WWOX: variants seen among roughly 807,000 people sequenced by gnomAD.
The protein encoded by WWOX is WW domain containing oxidoreductase, also known as WW domain-containing oxidoreductase.
A neutral mutation model predicts 46.2 loss-of-function variants in WWOX; 69 were observed. That is an observed-to-expected ratio of 1.49 (90% CI 1.23 to 1.82). The LOEUF is 1.82. Ranked by LOEUF, WWOX falls within the 40% of genes most tolerant of loss-of-function variation. The probability of loss-of-function intolerance (pLI) is 0.00; values close to 1 mark genes in which losing one functional copy is unlikely to be tolerated. For missense variants in WWOX, 919 were observed against 542.6 expected (o/e 1.69, Z -6.89); for synonymous variants, 359 against 202.6 (o/e 1.77, Z -6.56).
intron 8 of WWOX, among the ~76,000 whole-genome samples, chr16:78,783,064 A>G (rs2050370289): frequency 6.6e-6 from 1 of 152,240 alleles, no homozygotes; most frequent in Non-Finnish European, 1.5e-5. Context: ...CAATATGGAA[A>G]GCATCAGCAA....
intron 8 of WWOX, among the ~76,000 whole-genome samples, chr16:79,014,682 C>T (rs941518729): frequency 2.6e-5 from 4 of 152,082 alleles, no homozygotes; most frequent in East Asian, 1.9e-4. Flanking sequence ...ACATTTCGGC[C>T]CTGATTTCAG....
chr16:78,885,469 C>T (rs1278546754), intron 8 of WWOX, among the ~76,000 whole-genome samples: 1 of 152,078 alleles, frequency 6.6e-6, no homozygotes, highest in Non-Finnish European at 1.5e-5. Flanking sequence ...GGCTCTTGAA[C>T]CAAAATTATG....
rs551961675 is a variant in WWOX at position 78,099,962 on chromosome 16, C to G, written c.107+77C>G. The G allele has an allele frequency of 1.8e-5, 28 of 1,528,428 alleles. No individual in the cohort carries two copies. In the Middle Eastern group the frequency reaches 1.3e-3, roughly 71 times the overall value. 94.7% of individuals were successfully genotyped at this position (1,528,428 alleles called of 1,614,324 possible). A position where few individuals can be genotyped will look rare whatever the true frequency, so the allele number is the denominator to read the frequency against. On this transcript the variant is annotated intron_variant, in intron 1 of 8. Transcript: ENST00000566780. ...ACGGACGCCACCTGCGCGGGGAGGA[C>G]GCGCACTCCAGCGCAGCGCGTGCGG... is the stretch of plus-strand genomic sequence containing the variant.
At chr16:78,882,074 C>T (rs568956325) in intron 8 of WWOX, among the ~76,000 whole-genome samples, 6 of 151,380 alleles carry the variant, frequency 4.0e-5, no homozygotes, top group Non-Finnish European at 7.4e-5. Context: ...TGCAGCGAGC[C>T]GAGATCACAC....
At chr16:78,618,907 C>A (rs138566982) in intron 8 of WWOX, among the ~76,000 whole-genome samples, 2 of 150,838 alleles carry the variant, frequency 1.3e-5, no homozygotes, top group African/African-American at 4.9e-5. Flanking sequence ...AAGTAGGAGG[C>A]CTTGGAGTCA....
At chr16:78,592,049 A>T (rs7190741) in intron 8 of WWOX, among the ~76,000 whole-genome samples, 2 of 152,068 alleles carry the variant, frequency 1.3e-5, no homozygotes, top group African/African-American at 4.8e-5. Flanking sequence ...GTCTCAGTCA[A>T]TATTTACCTC....
chr16:78,313,050 C>A (rs2080279699), intron 5 of WWOX, among the ~76,000 whole-genome samples: 1 of 152,228 alleles, frequency 6.6e-6, no homozygotes, highest in Non-Finnish European at 1.5e-5. Flanking sequence ...CAGACATGTC[C>A]TGTTTTCAGA....
intron 8 of WWOX, among the ~76,000 whole-genome samples, chr16:78,714,913 C>T (rs2048527033): frequency 6.6e-6 from 1 of 152,148 alleles, no homozygotes; most frequent in Non-Finnish European, 1.5e-5. Flanking sequence ...TATGAAATGA[C>T]ATGTTTGAAA....
chr16:78,175,993 C>G (rs1420324890), intron 5 of WWOX, among the ~76,000 whole-genome samples: 2 of 152,190 alleles, frequency 1.3e-5, no homozygotes, highest in East Asian at 3.9e-4. Flanking sequence ...CTCTCCAACA[C>G]TTTTAAAACA....
At chr16:78,570,905 G>C (rs77087284) in intron 8 of WWOX, among the ~76,000 whole-genome samples, 5,667 of 152,246 alleles carry the variant, frequency 0.037, 173 homozygotes, top group African/African-American at 0.082. Context: ...GAAGGAGCTG[G>C]CAGTGTGAAT....
intron 4 of WWOX, among the ~76,000 whole-genome samples, chr16:78,115,821 C>T (rs1744350301): frequency 6.6e-6 from 1 of 152,128 alleles, no homozygotes; most frequent in African/African-American, 2.4e-5. Flanking sequence ...ACATAAGTAT[C>T]TGAATCAGTG....
chr16:78,625,556 C>G (rs1020975447), intron 8 of WWOX, among the ~76,000 whole-genome samples: 2 of 151,894 alleles, frequency 1.3e-5, no homozygotes, highest in African/African-American at 2.4e-5. Flanking sequence ...CCAGTTTATC[C>G]TATTATTTTA....
At chr16:78,846,021 G>A (rs903844821) in intron 8 of WWOX, among the ~76,000 whole-genome samples, 1 of 152,170 alleles carries the variant, frequency 6.6e-6, no homozygotes. Flanking sequence ...GATGCGGGAG[G>A]CACTGCACAG....
Position 78,539,172 on chromosome 16 carries a change from T to C in WWOX, c.1056+106420T>C, listed in dbSNP as rs527273176. On this transcript the variant is annotated intron_variant, in intron 8 of 8. Transcript: ENST00000566780. ...TGAATTTTGGTTTTCCCCTAGACTT[T>C]GCAGTGCATGACACATAGTAATTGC... Among the ~76,000 whole-genome samples, 15 of 152,366 alleles carry C rather than the reference T, an allele frequency of 9.8e-5. No individual in the cohort carries two copies. The East Asian group carries it at 2.7e-3, about 27-fold the overall frequency.
intron 5 of WWOX, among the ~76,000 whole-genome samples, chr16:78,358,172 A>T (rs1049826080): frequency 3.3e-5 from 5 of 152,226 alleles, no homozygotes; most frequent in African/African-American, 1.2e-4. Flanking sequence ...CTCAACACAC[A>T]TTAATCAACA....
At chr16:78,249,957 GGGCTGA>G (rs2037937469) in intron 5 of WWOX, among the ~76,000 whole-genome samples, 1 of 152,172 alleles carries the variant, frequency 6.6e-6, no homozygotes, top group Non-Finnish European at 1.5e-5. Flanking sequence ...AGTAATCAGA[GGGCTGA>G]GGCCAGGTCC....
At chr16:79,052,684 G>C (rs1007497487) in intron 8 of WWOX, among the ~76,000 whole-genome samples, 7 of 152,168 alleles carry the variant, frequency 4.6e-5, no homozygotes, top group Non-Finnish European at 8.8e-5. Context: ...ACACGTGTCA[G>C]GTTATAAATG....
At chr16:78,447,027 C>T (rs1017311770) in intron 8 of WWOX, among the ~76,000 whole-genome samples, 1 of 152,104 alleles carries the variant, frequency 6.6e-6, no homozygotes, top group Admixed American at 6.6e-5. Context: ...GTCATGATGG[C>T]AGGATGTCTT....
intron 8 of WWOX, among the ~76,000 whole-genome samples, chr16:78,529,720 G>T (rs2043573494): frequency 6.6e-6 from 1 of 152,048 alleles, no homozygotes; most frequent in Non-Finnish European, 1.5e-5. Flanking sequence ...ACCCACCTCG[G>T]CCTCCCAAAG....
Sources: allele counts gnomAD v4.1 joint callset (sites outside exome capture counted in the v4.1 genomes callset), GRCh38; gene constraint gnomAD v4.1.1; transcripts MANE v1.5; gene names NCBI Gene and HGNC (gene_info 2026-07-23, HGNC 2026-07-21).